GRIP1: variants seen among roughly 807,000 people sequenced by gnomAD.
The protein encoded by GRIP1 is glutamate receptor-interacting protein 1.
In GRIP1, 45 loss-of-function variants were observed where a neutral mutation model predicts 129.9. The observed-to-expected ratio is 0.35, with a 90% CI of 0.27 to 0.44. The LOEUF is 0.44. Ranked by LOEUF, GRIP1 falls within the 20% of genes least tolerant of loss-of-function variation. The pLI is 1.00. For synonymous variants in GRIP1, 530 were observed against 520.8 expected, an observed-to-expected ratio of 1.02 and a Z score of -0.24; for missense variants, 1,196 against 1,396.8, an observed-to-expected ratio of 0.86 and a Z score of 2.29.
At chr12:66,541,386 T>G (rs2061775558) in intron 3 of GRIP1, among the ~76,000 whole-genome samples, 1 of 152,154 alleles carries the variant, frequency 6.6e-6, no homozygotes, top group Non-Finnish European at 1.5e-5. Flanking sequence ...CAGAGTTAGG[T>G]CTCCCATTCT....
intron 2 of GRIP1, among the ~76,000 whole-genome samples, chr12:66,587,105 G>A (rs2063669021): frequency 6.6e-6 from 1 of 152,126 alleles, no homozygotes. Flanking sequence ...ATTCAATTTG[G>A]CATAATATTG....
chr12:66,960,818 C>T (rs2137532891), intron 1 of GRIP1, among the ~76,000 whole-genome samples: 1 of 152,202 alleles, frequency 6.6e-6, no homozygotes, highest in South Asian at 2.1e-4. Context: ...TCAGTAGTGC[C>T]AAGGCTGAGA....
chr12:66,806,966 A>T (rs1428089499), upstream of GRIP1, among the ~76,000 whole-genome samples: 1 of 152,160 alleles, frequency 6.6e-6, no homozygotes, highest in Non-Finnish European at 1.5e-5. Context: ...TCATTACAAC[A>T]ATCAGAGATG....
At chr12:66,680,665 G>A (rs1474484204), upstream of GRIP1, among the ~76,000 whole-genome samples, 4 of 152,076 alleles carry the variant, frequency 2.6e-5, no homozygotes, top group African/African-American at 9.7e-5. Flanking sequence ...ATATACCTTA[G>A]TACTAGAGAA....
chr12:66,419,454 T>C (rs1278822081), intron 15 of GRIP1, among the ~76,000 whole-genome samples: 1 of 152,114 alleles, frequency 6.6e-6, no homozygotes, highest in Non-Finnish European at 1.5e-5. Flanking sequence ...AAAGTATAAT[T>C]GGATTGTTTG....
chr12:66,965,596 TGA>T (rs1555255819), intron 1 of GRIP1, among the ~76,000 whole-genome samples: 4 of 146,754 alleles, frequency 2.7e-5, no homozygotes, highest in South Asian at 2.1e-4. Context: ...TGTGTGTGTG[TGA>T]GATATTATTA....
intron 1 of GRIP1, among the ~76,000 whole-genome samples, chr12:66,869,224 T>A (rs1160422597): frequency 6.6e-6 from 1 of 152,022 alleles, no homozygotes; most frequent in Non-Finnish European, 1.5e-5. Flanking sequence ...TTTCTTGAAT[T>A]GAATCAACTC....
chr12:66,378,919 C>T (rs1195701323), intron 20 of GRIP1, among the ~76,000 whole-genome samples: 1 of 152,040 alleles, frequency 6.6e-6, no homozygotes, highest in Non-Finnish European at 1.5e-5. Context: ...TGCATTCCAG[C>T]TTGGGCAGCA....
intron 1 of GRIP1, among the ~76,000 whole-genome samples, chr12:66,936,249 G>A (rs2041482325): frequency 6.6e-6 from 1 of 151,946 alleles, no homozygotes; most frequent in African/African-American, 2.4e-5. Context: ...GTGAGACCTT[G>A]TCTCTACAAA....
chr12:66,420,709 A>G lies in GRIP1; in HGVS notation c.1838+11T>C. 1.4e-6 allele frequency: 2 copies of G among 1,473,614 alleles called. No homozygotes were observed. The highest frequency in any genetic ancestry group is 1.9e-6 in the Non-Finnish European group (2 of 1,051,150). 91.3% of individuals were successfully genotyped at this position (1,473,614 alleles called of 1,614,324 possible). A position where few individuals can be genotyped will look rare whatever the true frequency, so the allele number is the denominator to read the frequency against. ...GGCCTTAAAATGAATCAGAAAATCCATTTTCCTTACCTGTGTGCCACACTC... is the reference window on the plus strand; with the variant it reads ...GGCCTTAAAATGAATCAGAAAATCCGTTTTCCTTACCTGTGTGCCACACTC... On this transcript the variant is annotated intron_variant, in intron 15 of 24. Transcript: ENST00000359742.
chr12:66,626,422 T>A (rs972714425), intron 1 of GRIP1, among the ~76,000 whole-genome samples: 7 of 152,194 alleles, frequency 4.6e-5, no homozygotes, highest in Middle Eastern at 6.8e-3. Context: ...AATATATTTA[T>A]AACTAAAGTA....
intron 7 of GRIP1, among the ~76,000 whole-genome samples, chr12:66,511,500 T>C (rs547409562): frequency 6.6e-5 from 10 of 152,298 alleles, no homozygotes; most frequent in African/African-American, 1.4e-4. Context: ...CTTTGGGAAA[T>C]TGCTATTTCT....
At chr12:66,987,814 CCT>C (rs774658475) in intron 1 of GRIP1, among the ~76,000 whole-genome samples, 1 of 152,164 alleles carries the variant, frequency 6.6e-6, no homozygotes, top group Non-Finnish European at 1.5e-5. Flanking sequence ...CTTCTCAGCC[CCT>C]CTTTTCTCTG....
chr12:66,377,113 TA>T, intron 21 of GRIP1, 52 bp from the exon 22 acceptor site: 1 of 1,578,196 alleles, frequency 6.3e-7, no homozygotes. Context: ...AATGCAAACT[TA>T]AAAGGACCAA....
At chr12:66,747,782 G>A (rs2036996356) in intron 1 of GRIP1, among the ~76,000 whole-genome samples, 1 of 152,080 alleles carries the variant, frequency 6.6e-6, no homozygotes, top group South Asian at 2.1e-4. Flanking sequence ...TCTGTGAAAT[G>A]TACAGAGTGT....
intron 1 of GRIP1, among the ~76,000 whole-genome samples, chr12:66,716,072 T>A (rs943188032): frequency 6.6e-6 from 1 of 152,038 alleles, no homozygotes; most frequent in Non-Finnish European, 1.5e-5. Flanking sequence ...TGAAGTATCC[T>A]TCATTTTCTG....
chr12:66,709,594 T>C (rs1384317509), intron 1 of GRIP1, among the ~76,000 whole-genome samples: 1 of 151,900 alleles, frequency 6.6e-6, no homozygotes, highest in African/African-American at 2.4e-5. Flanking sequence ...GGGTAGCCTA[T>C]GTATGTAACA....
At chr12:66,746,083 A>T (rs1051843512) in intron 1 of GRIP1, among the ~76,000 whole-genome samples, 7 of 152,184 alleles carry the variant, frequency 4.6e-5, no homozygotes, top group African/African-American at 1.7e-4. Flanking sequence ...GACAATACAA[A>T]TTCTGCATTG....
At chr12:66,856,324 T>A (rs2040002941) in intron 1 of GRIP1, among the ~76,000 whole-genome samples, 1 of 152,134 alleles carries the variant, frequency 6.6e-6, no homozygotes, top group Non-Finnish European at 1.5e-5. Context: ...AAGGACTTCA[T>A]GTCTAAAACA....
Sources: allele counts gnomAD v4.1 joint callset (sites outside exome capture counted in the v4.1 genomes callset), GRCh38; gene constraint gnomAD v4.1.1; transcripts MANE v1.5; gene names NCBI Gene and HGNC (gene_info 2026-07-23, HGNC 2026-07-21).